GADL1: variants seen among roughly 807,000 people sequenced by gnomAD.
The protein encoded by GADL1 is GAD like acidic amino acid decarboxylase 1.
Under a neutral mutation model 69.5 loss-of-function variants are expected in GADL1, and 71 were observed. That is an observed-to-expected ratio of 1.02 (90% confidence interval 0.84 to 1.25). The LOEUF is 1.25. Among genes scored for constraint, GADL1 ranks in the 50% most tolerant of loss-of-function variants. GADL1 has a pLI of 0.00. For synonymous variants in GADL1, 254 were observed against 214.4 expected (o/e 1.18, Z -1.62); for missense variants, 737 against 631.8 (o/e 1.17, Z -1.79).
intron 14 of GADL1, among the ~76,000 whole-genome samples, chr3:30,734,428 C>T (rs1289669951): frequency 1.3e-5 from 2 of 152,150 alleles, no homozygotes; most frequent in Non-Finnish European, 2.9e-5. Context: ...TTCCTTTACA[C>T]GTGCAGCTCA....
rs570185001 is a variant in GADL1 at position 30,754,030 on chromosome 3, C to T, written c.1392+24149G>A. On this transcript the variant is annotated intron_variant, in intron 14 of 14. Transcript: ENST00000282538. The stretch of plus-strand genomic sequence containing the variant: ...AGGTGGTGAGGGCTACTTGCATTAC[C>T]AATTGTATTCTATATTTTCCACCTT... Among the ~76,000 whole-genome samples the T allele has an allele frequency of 1.1e-3, 168 of 152,282 alleles. No homozygotes were observed. In the South Asian group the frequency reaches 0.011, roughly 10 times the overall value.
chr3:30,889,269 G>A (rs1698752667), intron 1 of GADL1, among the ~76,000 whole-genome samples: 1 of 152,056 alleles, frequency 6.6e-6, no homozygotes. Flanking sequence ...TCCCTCCCAT[G>A]ATGTGTGGAT....
At chr3:30,886,094 A>G (rs564298584) in intron 1 of GADL1, among the ~76,000 whole-genome samples, 2 of 152,324 alleles carry the variant, frequency 1.3e-5, no homozygotes, top group South Asian at 4.1e-4. Context: ...AAACTGCCCC[A>G]TAATGCATCA....
intron 6 of GADL1, among the ~76,000 whole-genome samples, chr3:30,849,425 A>G (rs1185011373): frequency 6.6e-6 from 1 of 152,208 alleles, no homozygotes; most frequent in East Asian, 1.9e-4. Flanking sequence ...TAAGTGACAG[A>G]GGCAGGGACT....
intron 11 of GADL1, among the ~76,000 whole-genome samples, chr3:30,827,265 G>C (rs1414914040): frequency 6.6e-6 from 1 of 151,844 alleles, no homozygotes; most frequent in African/African-American, 2.4e-5. Context: ...TCCTCAAGTA[G>C]CTCCCAGTGT....
chr3:30,863,437 A>C (rs577737783), intron 1 of GADL1, among the ~76,000 whole-genome samples: 1 of 152,096 alleles, frequency 6.6e-6, no homozygotes, highest in South Asian at 2.1e-4. Context: ...TCAACATGAA[A>C]ATCTATATCT....
chr3:30,777,531 G>A (rs958844351), intron 14 of GADL1, among the ~76,000 whole-genome samples: 1 of 152,166 alleles, frequency 6.6e-6, no homozygotes, highest in African/African-American at 2.4e-5. Flanking sequence ...CATAGTGCTT[G>A]GAAATCTGGA....
chr3:30,806,211 C>A (rs1480797719), intron 11 of GADL1, among the ~76,000 whole-genome samples: 1 of 151,356 alleles, frequency 6.6e-6, no homozygotes, highest in African/African-American at 2.4e-5. Context: ...TATTTACATG[C>A]AAAAAAAATG....
rs1407905624 is a variant in GADL1 at position 30,728,253 on chromosome 3, T to C, written c.1555A>G (p.Lys519Glu). The change falls in exon 15 of 15, where the codon AAA becomes GAA. Residue 519 changes from lysine (K) to glutamate (E), a missense_variant. By Grantham distance (56) the Lys-to-Glu change is moderately conservative. Coordinates refer to ENST00000282538, the MANE Select transcript of GADL1 (RefSeq NM_207359.3). Reference protein sequence around the residue: ...FLLDEIDLLGKDM With the variant: ...FLLDEIDLLGEDM ...GACCAAAGCCACAGCTACATGTCTT[T>C]ACCCAGTAAGTCTATCTCATCCAGG... 1.2e-6 allele frequency: 2 copies of C among 1,613,680 alleles called. No individual in the cohort carries two copies. The highest frequency in any genetic ancestry group is 2.2e-5 in the South Asian group (2 of 91,058).
chr3:30,780,431 C>T (rs1696640736), intron 13 of GADL1, among the ~76,000 whole-genome samples: 1 of 152,164 alleles, frequency 6.6e-6, no homozygotes, highest in African/African-American at 2.4e-5. Flanking sequence ...TGGCTGCTCT[C>T]TATATCAGCT....
intron 1 of GADL1, among the ~76,000 whole-genome samples, chr3:30,893,671 A>C (rs1698815908): frequency 6.6e-6 from 1 of 152,184 alleles, no homozygotes; most frequent in Admixed American, 6.5e-5. Context: ...GTTATGCTGG[A>C]AACTCTCCCT....
rs566855627 is a variant in GADL1, at chr3:30,780,530, T to C, written c.1303-2262A>G. On this transcript the variant is annotated intron_variant, in intron 13 of 14. Transcript: ENST00000282538. ...GCTAATAATTATTGATATTACACTT[T>C]CCCACTTTACCATGCAGTTCTTGTC... Among the ~76,000 whole-genome samples the C allele has an allele frequency of 5.3e-5, 8 of 152,330 alleles. No individual in the cohort carries two copies. In the South Asian group the frequency reaches 1.2e-3, roughly 24 times the overall value.
chr3:30,847,398 A>G lies in GADL1; in HGVS notation c.651+2598T>C, dbSNP rs1698076410. Among the ~76,000 whole-genome samples the G allele has an allele frequency of 3.9e-5, 6 of 152,160 alleles. No homozygotes were observed. The South Asian group carries it at 1.2e-3, about 32-fold the overall frequency. On this transcript the variant is annotated intron_variant, in intron 6 of 14. Coordinates refer to ENST00000282538, the MANE Select transcript of GADL1 (RefSeq NM_207359.3). ...AAACTGGAAAAGACTACCTAATATA[A>G]CAGTACTGGGCCATGGACCAAACCC...
intron 11 of GADL1, among the ~76,000 whole-genome samples, chr3:30,819,685 G>A (rs926328099): frequency 5.6e-4 from 85 of 151,888 alleles, no homozygotes; most frequent in African/African-American, 2.0e-3. Context: ...ATAAGGACAT[G>A]AAAAATAAAT....
intron 9 of GADL1, among the ~76,000 whole-genome samples, chr3:30,835,669 G>T (rs1210699060): frequency 1.3e-5 from 2 of 151,962 alleles, no homozygotes; most frequent in African/African-American, 4.8e-5. Context: ...TAAAATTTGA[G>T]CCCTGCCAAC....
chr3:30,859,443 A>G (rs1698281302), intron 2 of GADL1, among the ~76,000 whole-genome samples: 1 of 151,888 alleles, frequency 6.6e-6, no homozygotes, highest in African/African-American at 2.4e-5. Flanking sequence ...CTATTCCATC[A>G]ACATGACATT....
At chr3:30,854,471 G>T (rs1465811769) in intron 4 of GADL1, among the ~76,000 whole-genome samples, 1 of 152,074 alleles carries the variant, frequency 6.6e-6, no homozygotes, top group Non-Finnish European at 1.5e-5. Context: ...TTTCTCATCT[G>T]TTAAATCTCA....
intron 12 of GADL1, among the ~76,000 whole-genome samples, chr3:30,797,306 TCAGA>T (rs1260089939): frequency 6.6e-6 from 1 of 152,220 alleles, no homozygotes; most frequent in Non-Finnish European, 1.5e-5. Context: ...TTTAACACAT[TCAGA>T]CAGCTTGTTG....
chr3:30,874,815 A>G (rs1698554575), intron 1 of GADL1, among the ~76,000 whole-genome samples: 1 of 152,004 alleles, frequency 6.6e-6, no homozygotes, highest in Non-Finnish European at 1.5e-5. Context: ...CTGGTTAAGT[A>G]AAGCAGAAAA....
Sources: allele counts gnomAD v4.1 joint callset (sites outside exome capture counted in the v4.1 genomes callset), GRCh38; gene constraint gnomAD v4.1.1; transcripts MANE v1.5; gene names NCBI Gene and HGNC (gene_info 2026-07-23, HGNC 2026-07-21).